LANCL2: variants seen among roughly 807,000 people sequenced by gnomAD.
The protein encoded by LANCL2 is LanC like glutathione S-transferase 2, also known as lanC-like protein 2.
A neutral mutation model predicts 56.9 loss-of-function variants in LANCL2; 33 were observed. The ratio of observed to expected loss-of-function variants is 0.58; its 90% CI spans 0.44 to 0.78. The LOEUF is 0.78. Ranked by LOEUF, LANCL2 falls within the 30% of genes least tolerant of loss-of-function variation. LANCL2 has a pLI of 0.00. For synonymous variants in LANCL2, 233 were observed against 228.2 expected, an observed-to-expected ratio of 1.02 and a Z score of -0.19; for missense variants, 562 against 580.2, an observed-to-expected ratio of 0.97 and a Z score of 0.32.
chr7:55,371,987 A>G (rs1391871970), intron 1 of LANCL2, among the ~76,000 whole-genome samples: 1 of 152,074 alleles, frequency 6.6e-6, no homozygotes, highest in African/African-American at 2.4e-5. Flanking sequence ...TGTGGACCTA[A>G]ATCATAAGCA....
chr7:55,376,766 T>C (rs530408781), intron 1 of LANCL2, among the ~76,000 whole-genome samples: 1 of 152,378 alleles, frequency 6.6e-6, no homozygotes, highest in South Asian at 2.1e-4. Context: ...TAATTATTTT[T>C]ACGTTTGTCT....
At chr7:55,421,085 C>T (rs1255364804) in intron 6 of LANCL2, among the ~76,000 whole-genome samples, 1 of 152,146 alleles carries the variant, frequency 6.6e-6, no homozygotes, top group Non-Finnish European at 1.5e-5. Flanking sequence ...TTGCATGACA[C>T]ATCTTTTTGC....
chr7:55,401,133 A>C (rs369108902), intron 4 of LANCL2, 41 bp from the exon 5 acceptor site: 25 of 1,567,670 alleles, frequency 1.6e-5, no homozygotes, highest in South Asian at 1.2e-4. Context: ...AACAGGGTAC[A>C]TATACAGTTT....
intron 6 of LANCL2, among the ~76,000 whole-genome samples, chr7:55,418,251 G>A (rs1562868967): frequency 2.0e-5 from 3 of 150,758 alleles, no homozygotes; most frequent in Non-Finnish European, 2.9e-5. Context: ...GTGTGATCAC[G>A]GCTCACTGCA....
chr7:55,427,819 C>T (rs376864733), intron 7 of LANCL2, among the ~76,000 whole-genome samples: 9 of 152,124 alleles, frequency 5.9e-5, no homozygotes, highest in Non-Finnish European at 8.8e-5. Context: ...TTGAAGAGGT[C>T]TAAGAAGAAA....
chr7:55,372,412 C>T (rs1789953299), intron 1 of LANCL2, among the ~76,000 whole-genome samples: 3 of 151,750 alleles, frequency 2.0e-5, no homozygotes, highest in Non-Finnish European at 4.4e-5. Context: ...TTTCTTACCT[C>T]ATCAACTTGA....
rs770110412 is a variant in LANCL2, at chr7:55,401,165, T to C, written c.679-9T>C. On this transcript the variant is annotated splice_polypyrimidine_tract_variant and intron_variant, in intron 4 of 8. Transcript: ENST00000254770. ...GTTTTAGATTTATGCTGTCTTGTTA[T>C]CTCTGTAGGTAGTCAATGCTATTAT... The C allele has an allele frequency of 2.7e-5, 43 of 1,613,446 alleles. No homozygotes were observed. In the South Asian group the frequency reaches 4.1e-4, roughly 15 times the overall value.
Position 55,365,957 on chromosome 7 carries a change from G to GGCGGCGGGGCGAGCTGCA in LANCL2, c.-65_-48dup, listed in dbSNP as rs1789856268. ...CTCTGCGCGGGCCCTCGGAGGAGGC[G>GGCGGCGGGGCGAGCTGCA]GCGGCGGGGCGAGCTGCAGCGCCGG... On this transcript the variant is annotated 5_prime_UTR_variant, in exon 1 of 9. Coordinates refer to ENST00000254770, the MANE Select transcript of LANCL2 (RefSeq NM_018697.4). 8 of 1,249,800 alleles carry GGCGGCGGGGCGAGCTGCA rather than the reference G, an allele frequency of 6.4e-6. No homozygotes were observed. The East Asian group carries it at 1.6e-4, about 24-fold the overall frequency. The allele number at this position is 1,249,800 out of a possible 1,614,324, so 77.4% of individuals were successfully genotyped here.
At chr7:55,416,982 T>TTTTTTTTG (rs1790548288) in intron 6 of LANCL2, among the ~76,000 whole-genome samples, 2 of 137,676 alleles carry the variant, frequency 1.5e-5, no homozygotes, top group Non-Finnish European at 1.6e-5. Context: ...TTTTTTTTTT[T>TTTTTTTTG]TTTTTTTTTT....
At chr7:55,403,570 T>TG (rs1491550403) in intron 5 of LANCL2, among the ~76,000 whole-genome samples, 1 of 56,398 alleles carries the variant, frequency 1.8e-5, no homozygotes, top group Non-Finnish European at 3.8e-5. Flanking sequence ...TTGTTTGTTG[T>TG]TTTTTTTTTT....
intron 2 of LANCL2, chr7:55,394,038 A>G (rs1213370518): frequency 6.6e-6 from 1 of 152,188 alleles, no homozygotes; most frequent in African/African-American, 2.4e-5. Flanking sequence ...ATGCATCACA[A>G]TTACCAAGAG....
At chr7:55,386,485 A>G (rs1790127513) in intron 1 of LANCL2, among the ~76,000 whole-genome samples, 1 of 152,084 alleles carries the variant, frequency 6.6e-6, no homozygotes, top group South Asian at 2.1e-4. Context: ...GGTTTTACAG[A>G]ATGGTGGTGT....
intron 5 of LANCL2, among the ~76,000 whole-genome samples, chr7:55,402,579 G>A (rs1485678116): frequency 8.2e-5 from 4 of 48,840 alleles, no homozygotes; most frequent in Admixed American, 7.1e-4. Context: ...CTTCCCGGAC[G>A]GGGCGGCTGG....
intron 2 of LANCL2, 123 bp from the exon 3 acceptor site, chr7:55,398,300 T>C (rs1265300423): frequency 1.3e-5 from 9 of 687,806 alleles, no homozygotes; most frequent in Non-Finnish European, 2.3e-5. Context: ...ATTGTTTTGG[T>C]GTTACCCGTT....
At chr7:55,410,684 A>G (rs138834879) in intron 5 of LANCL2, among the ~76,000 whole-genome samples, 2,374 of 152,246 alleles carry the variant, frequency 0.016, 44 homozygotes, top group African/African-American at 0.039. Flanking sequence ...TGGTGCTAAC[A>G]TGTCACTTTA....
chr7:55,418,243 G>A (rs577707462), intron 6 of LANCL2, among the ~76,000 whole-genome samples: 2 of 151,198 alleles, frequency 1.3e-5, no homozygotes, highest in Admixed American at 1.3e-4. Flanking sequence ...GTGCAGTGGT[G>A]TGATCACGGC....
intron 5 of LANCL2, among the ~76,000 whole-genome samples, chr7:55,409,248 C>T (rs1027211019): frequency 1.9e-4 from 29 of 151,454 alleles, no homozygotes; most frequent in Non-Finnish European, 3.7e-4. Context: ...CCACCATGCC[C>T]GGCTAATTTT....
At chr7:55,428,087 G>A in intron 7 of LANCL2, 1 of 454,086 alleles carries the variant, frequency 2.2e-6, no homozygotes, top group Non-Finnish European at 4.0e-6. Flanking sequence ...TGAAGCGGCA[G>A]GAGGAAGGTG....
chr7:55,425,137 C>T (rs1011311027), intron 6 of LANCL2, 117 bp from the exon 7 acceptor site: 2 of 929,568 alleles, frequency 2.2e-6, no homozygotes, highest in Non-Finnish European at 3.2e-6. Flanking sequence ...TTTTCACCCC[C>T]AGTGCCATTT....
Sources: allele counts gnomAD v4.1 joint callset (sites outside exome capture counted in the v4.1 genomes callset), GRCh38; gene constraint gnomAD v4.1.1; transcripts MANE v1.5; gene names NCBI Gene and HGNC (gene_info 2026-07-23, HGNC 2026-07-21).